Variants in DST observed in about 807,000 individuals in gnomAD.
DST encodes dystonin.
DST carries 253 observed loss-of-function variants against 875.2 expected under a neutral mutation model. That is an observed-to-expected ratio of 0.29 (90% CI 0.26 to 0.32). The LOEUF (loss-of-function observed/expected upper bound fraction) is 0.32. Ranked by LOEUF, DST falls within the 10% of genes least tolerant of loss-of-function variation. The pLI is 1.00. For synonymous variants in DST, 3,124 were observed against 3,197.1 expected (o/e 0.98, Z 0.77); for missense variants, 8,287 against 9,111.6 (o/e 0.91, Z 3.68).
chr6:56,582,809 T>C (rs997721052), intron 49 of DST, among the ~76,000 whole-genome samples: 10 of 152,052 alleles, frequency 6.6e-5, no homozygotes, highest in Admixed American at 5.9e-4. Flanking sequence ...TGTGTTCTCA[T>C]TGTTCAATTC....
intron 58 of DST, among the ~76,000 whole-genome samples, chr6:56,558,365 C>A (rs2152563212): frequency 6.6e-6 from 1 of 152,216 alleles, no homozygotes; most frequent in South Asian, 2.1e-4. Flanking sequence ...ACCAGTAGTT[C>A]TCACACTTCA....
chr6:56,645,809 G>C, intron 15 of DST, 57 bp downstream of exon 15: 1 of 1,586,806 alleles, frequency 6.3e-7, no homozygotes, highest in East Asian at 2.2e-5. Flanking sequence ...TCTTTCACAA[G>C]AACACAAAGG....
chr6:56,576,352 G>A (rs986603814), intron 50 of DST, among the ~76,000 whole-genome samples: 3 of 152,132 alleles, frequency 2.0e-5, no homozygotes, highest in African/African-American at 7.2e-5. Context: ...TTAATTGAAC[G>A]TGAGAAGGGT....
In DST at chr6:56,506,790, C is replaced by A. The variant is rs1422352236; in HGVS notation, c.19240-1G>T. 6.2e-7 allele frequency: 1 copy of A among 1,605,670 alleles called. No individual in the cohort carries two copies. Among genetic ancestry groups the A allele is most frequent in the South Asian group, 1.1e-5 (1 of 88,568 alleles). ...GTCCATCTATTTCTTCCCTTATGGT[C>A]TAGAATAAGAAAATGACAGCCTTAG... On this transcript the variant is annotated splice_acceptor_variant, in intron 75 of 103. Transcript: ENST00000680361. LOFTEE classifies it high-confidence loss of function.
intron 2 of DST, among the ~76,000 whole-genome samples, chr6:56,928,915 A>C (rs777946616): frequency 1.7e-4 from 26 of 152,164 alleles, no homozygotes; most frequent in Non-Finnish European, 2.6e-4. Flanking sequence ...AGTTGAACTA[A>C]CAGAAAAGTA....
rs2099096956 is a variant in DST, at chr6:56,670,768, A to G, written c.1087T>C (p.Ser363Pro). 2.5e-6 allele frequency: 4 copies of G among 1,608,836 alleles called. No individual in the cohort carries two copies. Among genetic ancestry groups the G allele is most frequent in the Non-Finnish European group, 3.4e-6 (4 of 1,177,500 alleles). The change falls in exon 10 of 104, where the codon TCT (serine) becomes CCT (proline). Residue 363 changes from serine to proline, a missense_variant. Physicochemically the swap from Ser to Pro is moderately conservative, Grantham distance 74. This residue lies in a region of DST where 1,160 missense variants were observed against 1,424.3 expected (regional missense o/e 0.81). Transcript: ENST00000680361. ...CAGAGTAGCAATCTCTCTTTTGCAG[A>G]CATATCCTCTGACTCTCCAGTAACA... ...IHVTGESEDM[S>P]AKERLLLWTQ...
At chr6:56,742,913 A>T (rs1357770636) in intron 4 of DST, among the ~76,000 whole-genome samples, 1 of 152,200 alleles carries the variant, frequency 6.6e-6, no homozygotes, top group East Asian at 1.9e-4. Context: ...ATTTCACAAT[A>T]ATTCTGAGTT....
chr6:56,615,446 T>A (rs1371080982), intron 36 of DST: 1 of 1,607,638 alleles, frequency 6.2e-7, no homozygotes, highest in East Asian at 2.2e-5. Flanking sequence ...GTAGCCGATA[T>A]CATCATACTC....
At chr6:56,800,758 C>A (rs1405002632) in intron 4 of DST, among the ~76,000 whole-genome samples, 1 of 152,092 alleles carries the variant, frequency 6.6e-6, no homozygotes, top group Non-Finnish European at 1.5e-5. Context: ...GTGGCTCACG[C>A]CTGTAATCCC....
At chr6:56,736,879 A>G (rs1241351350) in intron 4 of DST, among the ~76,000 whole-genome samples, 3 of 152,246 alleles carry the variant, frequency 2.0e-5, no homozygotes, top group African/African-American at 7.2e-5. Flanking sequence ...TTTTTTAAAA[A>G]GTAATGCCCA....
At chr6:56,547,353 C>T (rs1463285626) in intron 61 of DST, among the ~76,000 whole-genome samples, 1 of 152,108 alleles carries the variant, frequency 6.6e-6, no homozygotes, top group Non-Finnish European at 1.5e-5. Context: ...TGTTAAATGC[C>T]ACTTTGCTCT....
At chr6:56,878,070 C>T (rs892684377) in intron 3 of DST, among the ~76,000 whole-genome samples, 3 of 152,144 alleles carry the variant, frequency 2.0e-5, no homozygotes, top group South Asian at 2.1e-4. Flanking sequence ...CACAAATGTA[C>T]GCAATGCCCT....
intron 3 of DST, among the ~76,000 whole-genome samples, chr6:56,879,297 G>A (rs1047879036): frequency 3.3e-5 from 5 of 151,920 alleles, no homozygotes; most frequent in African/African-American, 4.8e-5. Context: ...TGAAACCCCC[G>A]TCTCTACTAA....
intron 4 of DST, among the ~76,000 whole-genome samples, chr6:56,831,784 C>A (rs1227450324): frequency 6.6e-6 from 1 of 151,792 alleles, no homozygotes; most frequent in Non-Finnish European, 1.5e-5. Flanking sequence ...CCAGTTTTTC[C>A]AGGGAAAGAC....
chr6:56,820,607 G>A lies in DST; in HGVS notation c.625+30790C>T, dbSNP rs113995897. Among the ~76,000 whole-genome samples, 343 of 152,090 alleles carry A rather than the reference G, an allele frequency of 2.3e-3. 1 individual carries two copies. The highest frequency in any genetic ancestry group is 0.019 in the South Asian group (93 of 4,820). ...TGCATATCTCTTCCCAACTCTGCAC[G>A]CAGTGACATCAACTTGGTCACCCGA... On this transcript the variant is annotated intron_variant, in intron 4 of 103. Transcript: ENST00000680361.
intron 56 of DST, 101 bp from the exon 57 acceptor site, chr6:56,561,650 G>T: frequency 8.4e-7 from 1 of 1,183,448 alleles, no homozygotes; most frequent in Non-Finnish European, 1.2e-6. Context: ...GTCACTTCTA[G>T]CTTGTCATTA....
Position 56,605,457 on chromosome 6 carries a change from T to G in DST, c.9171A>C (p.Glu3057Asp). Residue 3057 changes from glutamate (E) to aspartate (D), a missense_variant, in exon 40 of 104, where the codon GAA becomes GAC. By Grantham distance (45) the Glu-to-Asp change is conservative (BLOSUM62 2). Coordinates refer to ENST00000680361, the MANE Select transcript of DST (RefSeq NM_001374736.1). ...ETSIQKMYLG[E>D]GEVLVEGLVE... Reference sequence around the variant, plus strand: ...CTAGACCTTCTACAAGCACTTCTCCTTCACCCAAGTACATTTTCTGAATTG... The same window carrying G: ...CTAGACCTTCTACAAGCACTTCTCCGTCACCCAAGTACATTTTCTGAATTG... 1 of 1,612,954 alleles carries G rather than the reference T, an allele frequency of 6.2e-7. No homozygotes were observed. The highest frequency in any genetic ancestry group is 1.3e-5 in the African/African-American group (1 of 74,986).
intron 93 of DST, 107 bp from the exon 94 acceptor site, chr6:56,472,329 GTTTA>G: frequency 1.0e-6 from 1 of 959,448 alleles, no homozygotes; most frequent in Non-Finnish European, 1.5e-6. Context: ...TTAATTACGT[GTTTA>G]CGCAAGTAAA....
At chr6:56,831,481 C>G (rs2099786937) in intron 4 of DST, among the ~76,000 whole-genome samples, 1 of 152,088 alleles carries the variant, frequency 6.6e-6, no homozygotes, top group Non-Finnish European at 1.5e-5. Context: ...TCTCCCTTCC[C>G]CAGCTCCCAC....
Sources: gnomAD v4.1 joint callset for allele counts (sites outside exome capture counted in the v4.1 genomes callset) on GRCh38, gnomAD v4.1.1 for gene constraint, gnomAD v4.1.1 regional missense constraint, MANE v1.5 for transcripts, NCBI Gene and HGNC (gene_info 2026-07-23, HGNC 2026-07-21) for gene names.